The following CLSTN2 variants were observed in gnomAD, a reference collection of about 807,000 sequenced individuals.
CLSTN2 encodes calsyntenin 2.
Under a neutral mutation model 101.2 loss-of-function variants are expected in CLSTN2, and 48 were observed. That is an observed-to-expected ratio of 0.47 (90% CI 0.38 to 0.60). The LOEUF (loss-of-function observed/expected upper bound fraction) is 0.60, where lower values mean the gene tolerates loss of function less well. CLSTN2 is among the 20% of genes least tolerant of loss of function. The probability of loss-of-function intolerance (pLI) is 0.00; values close to 1 mark genes in which losing one functional copy is unlikely to be tolerated. For synonymous variants in CLSTN2, 481 were observed against 463.6 expected, an observed-to-expected ratio of 1.04 and a Z score of -0.48; for missense variants, 1,160 against 1,238.2, an observed-to-expected ratio of 0.94 and a Z score of 0.95.
chr3:140,280,108 C>T (rs1389695036), intron 2 of CLSTN2, among the ~76,000 whole-genome samples: 2 of 152,208 alleles, frequency 1.3e-5, no homozygotes, highest in African/African-American at 4.8e-5. Flanking sequence ...GAGTGTCAAA[C>T]TGAAATATTC....
At chr3:140,088,821 T>C (rs988372004) in intron 1 of CLSTN2, among the ~76,000 whole-genome samples, 3 of 152,238 alleles carry the variant, frequency 2.0e-5, no homozygotes, top group African/African-American at 7.2e-5. Flanking sequence ...AGGCAAAACC[T>C]TGAAACAGAA....
intron 8 of CLSTN2, among the ~76,000 whole-genome samples, chr3:140,501,898 G>T (rs1011459371): frequency 2.6e-5 from 4 of 152,212 alleles, no homozygotes; most frequent in Non-Finnish European, 4.4e-5. Context: ...AGCTCCCAAG[G>T]GATGCCTGTG....
chr3:140,102,655 A>G (rs2008987287), intron 1 of CLSTN2, among the ~76,000 whole-genome samples: 1 of 152,214 alleles, frequency 6.6e-6, no homozygotes, highest in African/African-American at 2.4e-5. Flanking sequence ...TTGTTTCTTC[A>G]CATTGTTAAT....
At chr3:140,369,059 T>C (rs530885226) in intron 2 of CLSTN2, among the ~76,000 whole-genome samples, 2 of 152,236 alleles carry the variant, frequency 1.3e-5, no homozygotes, top group East Asian at 1.9e-4. Context: ...GTGAGCTCTT[T>C]TAGGATGAGA....
chr3:140,330,559 C>G (rs772947654), intron 2 of CLSTN2, among the ~76,000 whole-genome samples: 1 of 152,192 alleles, frequency 6.6e-6, no homozygotes, highest in African/African-American at 2.4e-5. Context: ...CTTGCCCTCT[C>G]ACTCTGGCTT....
intron 1 of CLSTN2, among the ~76,000 whole-genome samples, chr3:140,045,604 G>A (rs181632047): frequency 1.6e-3 from 236 of 152,214 alleles, no homozygotes; most frequent in African/African-American, 5.5e-3. Context: ...TTTTGATTGC[G>A]ATGTTAGGGT....
chr3:140,510,370 A>T (rs887110764), intron 8 of CLSTN2, among the ~76,000 whole-genome samples: 1 of 152,222 alleles, frequency 6.6e-6, no homozygotes, highest in Non-Finnish European at 1.5e-5. Flanking sequence ...CCTGCTGATT[A>T]TGTATGCAAA....
At chr3:140,475,964 C>G (rs549749698) in intron 8 of CLSTN2, among the ~76,000 whole-genome samples, 1 of 152,152 alleles carries the variant, frequency 6.6e-6, no homozygotes, top group Non-Finnish European at 1.5e-5. Flanking sequence ...ATAATCTACT[C>G]AATAATAAAT....
Position 140,567,444 on chromosome 3 carries a change from G to A in CLSTN2, c.*1191G>A, listed in dbSNP as rs899941506. On this transcript the variant is annotated 3_prime_UTR_variant, in exon 17 of 17. Transcript: ENST00000458420. ...CTTCTTCTTTCTTCTGCTCATAAAA[G>A]GAGGAACACTTTAGATAGAGGGCAA... is the stretch of plus-strand genomic sequence containing the variant. 5.9e-5 allele frequency: 9 copies of A among 152,232 alleles called. No individual in the cohort carries two copies. The highest frequency in any genetic ancestry group is 1.9e-4 in the African/African-American group (8 of 41,456). The allele number at this position is 152,232 out of a possible 1,614,324, so 9.4% of individuals were successfully genotyped here. A position where few individuals can be genotyped will look rare whatever the true frequency, so the allele number is the denominator to read the frequency against.
intron 1 of CLSTN2, among the ~76,000 whole-genome samples, chr3:140,153,507 T>A (rs553693073): frequency 2.6e-5 from 4 of 152,332 alleles, no homozygotes; most frequent in African/African-American, 4.8e-5. Flanking sequence ...CCAGTGATGC[T>A]GAAAGAGCTA....
chr3:140,407,332 C>A (rs1576551710), intron 4 of CLSTN2, among the ~76,000 whole-genome samples: 1 of 152,178 alleles, frequency 6.6e-6, no homozygotes, highest in African/African-American at 2.4e-5. Context: ...CTCCAACTTT[C>A]CAGGCTCTGC....
At chr3:140,177,560 C>A (rs2010344434) in intron 2 of CLSTN2, among the ~76,000 whole-genome samples, 1 of 152,026 alleles carries the variant, frequency 6.6e-6, no homozygotes, top group African/African-American at 2.4e-5. Context: ...GAGGCTGAGG[C>A]AGGAGAATCA....
Position 140,368,254 on chromosome 3 carries a change from C to T in CLSTN2, c.233-35375C>T, listed in dbSNP as rs892383538. Among the ~76,000 whole-genome samples, 8 of 152,144 alleles carry T rather than the reference C, an allele frequency of 5.3e-5. No homozygotes were observed. In the South Asian group the frequency reaches 6.2e-4, roughly 12 times the overall value. ...TCTGTGTGCCCCCCAGAGCACTCCA[C>T]GTGCTTTCCTGCATTGCTTGTGCCC... On this transcript the variant is annotated intron_variant, in intron 2 of 16. Coordinates refer to ENST00000458420, the MANE Select transcript of CLSTN2 (RefSeq NM_022131.3).
rs755466571 is a variant in CLSTN2, at chr3:140,421,140, C to G, written c.653C>G (p.Thr218Ser). ...TGTTCCTCAGGCAACATCAGGAACA[C>G]TGAGAAGCTGAGCTATGACAAACAA... ...AIDRNGNIRN[T>S]EKLSYDKQHQ... The change falls in exon 5 of 17, where the codon ACT (threonine) becomes AGT (serine). Residue 218 changes from threonine to serine, a missense_variant. By Grantham distance (58) the Thr-to-Ser change is moderately conservative. Transcript: ENST00000458420. 15 of 1,613,866 alleles carry G rather than the reference C, an allele frequency of 9.3e-6. No homozygotes were observed. In the South Asian group the frequency reaches 1.5e-4, roughly 17 times the overall value.
chr3:140,251,878 AGAG>A (rs2086567867), intron 2 of CLSTN2, among the ~76,000 whole-genome samples: 1 of 152,174 alleles, frequency 6.6e-6, no homozygotes, highest in Admixed American at 6.5e-5. Context: ...TAGGCTGGAA[AGAG>A]GAGGTTTCAA....
chr3:140,219,871 G>T (rs1259729646), intron 2 of CLSTN2, among the ~76,000 whole-genome samples: 1 of 152,204 alleles, frequency 6.6e-6, no homozygotes, highest in African/African-American at 2.4e-5. Flanking sequence ...TACTCAGTAA[G>T]AGAGGCCTTA....
Position 140,014,765 on chromosome 3 carries a change from T to C in CLSTN2, c.109+79282T>C, listed in dbSNP as rs540326433. 4.4e-4 allele frequency among the ~76,000 whole-genome samples: 67 copies of C among 152,256 alleles called. 1 individual carries two copies. The South Asian group carries it at 0.013, about 29-fold the overall frequency. ...GGATGGGGTCAGAGACAGGATGAGA[T>C]GGCAGAGTGTGCAGGAGGATGGGAG... On this transcript the variant is annotated intron_variant, in intron 1 of 16. Coordinates refer to ENST00000458420, the MANE Select transcript of CLSTN2 (RefSeq NM_022131.3).
At chr3:140,535,316 C>T (rs1172819506) in intron 9 of CLSTN2, among the ~76,000 whole-genome samples, 1 of 152,230 alleles carries the variant, frequency 6.6e-6, no homozygotes, top group African/African-American at 2.4e-5. Flanking sequence ...GCCCTTTATT[C>T]CATTCCCCGG....
At chr3:140,104,932 C>T (rs1313750904) in intron 1 of CLSTN2, among the ~76,000 whole-genome samples, 3 of 152,212 alleles carry the variant, frequency 2.0e-5, no homozygotes, top group East Asian at 1.9e-4. Context: ...GAGCAGAGAT[C>T]GTGCCACTGC....
Sources: gnomAD v4.1 joint callset for allele counts (sites outside exome capture counted in the v4.1 genomes callset) on GRCh38, gnomAD v4.1.1 for gene constraint, MANE v1.5 for transcripts, NCBI Gene and HGNC (gene_info 2026-07-23, HGNC 2026-07-21) for gene names.